NEU3: variants seen among roughly 807,000 people sequenced by gnomAD.
The protein encoded by NEU3 is neuraminidase 3.
In NEU3, 10 loss-of-function variants were observed where a neutral mutation model predicts 11.4. The observed-to-expected ratio is 0.88, with a 90% CI of 0.54 to 1.49. NEU3 has a LOEUF of 1.49. Among genes scored for constraint, NEU3 ranks in the 40% most tolerant of loss-of-function variants. The pLI, the probability that NEU3 is intolerant of heterozygous loss-of-function variation, is 0.00. For synonymous variants in NEU3, 212 were observed against 228.2 expected (o/e 0.93, Z 0.64); for missense variants, 529 against 581.8 (o/e 0.91, Z 0.93).
chr11:74,987,625 A>G (rs1192960211), upstream of NEU3, among the ~76,000 whole-genome samples: 2 of 152,040 alleles, frequency 1.3e-5, no homozygotes, highest in Non-Finnish European at 2.9e-5. Flanking sequence ...CATCCTGGCT[A>G]ACATGGTGAA....
chr11:74,988,965 C>G lies in NEU3; in HGVS notation c.-96C>G. On this transcript the variant is annotated 5_prime_UTR_variant, in exon 1 of 3. Coordinates refer to ENST00000294064, the MANE Select transcript of NEU3 (RefSeq NM_006656.6). ...ACGCTCTTCGCTTCTCGGGGCTTGT[C>G]TCCGTGTCCTCCGTCTCAGTTGTTT... The G allele has an allele frequency of 2.2e-6, 2 of 928,576 alleles. No homozygotes were observed. Among genetic ancestry groups the G allele is most frequent in the Non-Finnish European group, 3.3e-6 (2 of 606,538 alleles). 57.5% of individuals were successfully genotyped at this position (928,576 alleles called of 1,614,324 possible).
At position 75,005,404 on chromosome 11, in the gene NEU3, C is replaced by T; in HGVS notation, c.307-9C>T. 3 of 1,587,408 alleles carry T rather than the reference C, an allele frequency of 1.9e-6. No individual in the cohort carries two copies. The highest frequency in any genetic ancestry group is 2.2e-5 in the East Asian group (1 of 44,456). ...TCTCACTCCTACTTTCTCCCTTCTC[C>T]TTGTCTAGTGGGGGCCCCTGAAGCC... On this transcript the variant is annotated splice_polypyrimidine_tract_variant and intron_variant, in intron 2 of 2. Transcript: ENST00000294064.
chr11:74,981,044 G>A, the NEU3 span, among the ~76,000 whole-genome samples: 1 of 152,216 alleles, frequency 6.6e-6, no homozygotes. Context: ...GGTACATAAT[G>A]CTTGTTAAGG....
rs1948912810 is a variant in NEU3 at position 75,007,722 on chromosome 11, C to T, written c.*1230C>T. On this transcript the variant is annotated 3_prime_UTR_variant, in exon 3 of 3. Coordinates refer to ENST00000294064, the MANE Select transcript of NEU3 (RefSeq NM_006656.6). ...AATGGTTTTCGTGCTGAACTTAGTTCATGCTGAGTCTCTCAGATGATACCA... is the reference window on the plus strand; with the variant it reads ...AATGGTTTTCGTGCTGAACTTAGTTTATGCTGAGTCTCTCAGATGATACCA... The T allele has an allele frequency of 6.6e-6, 1 of 152,152 alleles. No homozygotes were observed. Among genetic ancestry groups the T allele is most frequent in the African/African-American group, 2.4e-5 (1 of 41,432 alleles). The allele number at this position is 152,152 out of a possible 1,614,324, so 9.4% of individuals were successfully genotyped here. A position where few individuals can be genotyped will look rare whatever the true frequency, so the allele number is the denominator to read the frequency against.
upstream of NEU3, among the ~76,000 whole-genome samples, chr11:74,984,977 A>G (rs1948656954): frequency 6.6e-6 from 1 of 152,220 alleles, no homozygotes; most frequent in Non-Finnish European, 1.5e-5. Context: ...TCACTCAGCT[A>G]GGAAGTGGGA....
At position 75,006,443 on chromosome 11, in the gene NEU3, G is replaced by C; in HGVS notation, c.1337G>C (p.Gly446Ala). ...THREILSHLQ[G>A]DCTSPGRNPS... ...CGGGAGATCCTGAGTCACCTGCAGGGGGACTGCACCAGCCCTGGTAGGAAC... is the reference window on the plus strand; with the variant it reads ...CGGGAGATCCTGAGTCACCTGCAGGCGGACTGCACCAGCCCTGGTAGGAAC... Residue 446 changes from glycine to alanine, a missense_variant, in exon 3 of 3, where the codon GGG becomes GCG. Physicochemically the swap from Gly to Ala is moderately conservative, Grantham distance 60 (BLOSUM62 0). Transcript: ENST00000294064. 1 of 1,613,842 alleles carries C rather than the reference G, an allele frequency of 6.2e-7. No homozygotes were observed.
downstream of NEU3, among the ~76,000 whole-genome samples, chr11:75,013,471 G>A (rs1427825140): frequency 1.3e-5 from 2 of 152,190 alleles, no homozygotes; most frequent in African/African-American, 2.4e-5. Flanking sequence ...CAAGGTGGAC[G>A]ACCGTCATGC....
intron 2 of NEU3, among the ~76,000 whole-genome samples, chr11:74,995,586 A>T (rs1948781988): frequency 1.3e-5 from 2 of 152,348 alleles, no homozygotes; most frequent in Admixed American, 1.3e-4. Flanking sequence ...CAGTGCATAT[A>T]AAAGTTATGT....
intron 1 of NEU3, among the ~76,000 whole-genome samples, chr11:74,989,486 A>G (rs1055215659): frequency 6.6e-6 from 1 of 152,128 alleles, no homozygotes; most frequent in Non-Finnish European, 1.5e-5. Context: ...TCCAGATTTT[A>G]CTGTGGAGTG....
At chr11:74,998,222 T>C (rs768295598) in intron 2 of NEU3, among the ~76,000 whole-genome samples, 10 of 152,170 alleles carry the variant, frequency 6.6e-5, no homozygotes, top group Non-Finnish European at 1.3e-4. Context: ...AGTAATAACA[T>C]CAAAGATCAC....
chr11:74,992,291 A>G lies in NEU3; in HGVS notation c.95-2218A>G, dbSNP rs535796511. Among the ~76,000 whole-genome samples, 12 of 152,296 alleles carry G rather than the reference A, an allele frequency of 7.9e-5. No homozygotes were observed. The South Asian group carries it at 2.3e-3, about 29-fold the overall frequency. On this transcript the variant is annotated intron_variant, in intron 1 of 2. Transcript: ENST00000294064. Reference sequence around the variant, plus strand: ...TTACCTCTAAAGTAGCACTTATTACATCATGTTATAATTGTCCATGTATAT... The same window carrying G: ...TTACCTCTAAAGTAGCACTTATTACGTCATGTTATAATTGTCCATGTATAT...
chr11:74,992,472 A>T (rs1264421213), intron 1 of NEU3, among the ~76,000 whole-genome samples: 1 of 152,200 alleles, frequency 6.6e-6, no homozygotes, highest in East Asian at 1.9e-4. Flanking sequence ...TTTACAAATG[A>T]TTTGTAAAAT....
At chr11:74,994,787 G>T (rs1468539757) in intron 2 of NEU3, 67 bp downstream of exon 2, 1 of 1,426,028 alleles carries the variant, frequency 7.0e-7, no homozygotes, top group Non-Finnish European at 9.9e-7. Context: ...AGCTCTTCAG[G>T]ATCTGTGCCT....
Position 74,994,594 on chromosome 11 carries a change from A to G in NEU3, c.180A>G (p.Pro60=). The G allele has an allele frequency of 6.2e-7, 1 of 1,613,974 alleles. No individual in the cohort carries two copies. The highest frequency in any genetic ancestry group is 1.1e-5 in the South Asian group (1 of 91,086). ...EDDRGITYRI[P]ALLYIPPTHT... ...ACAGAGGGATTACCTACCGGATCCC[A>G]GCCCTGCTCTACATACCCCCCACCC... The change falls in exon 2 of 3, where the codon CCA becomes CCG. Residue 60 remains proline, a synonymous_variant. Transcript: ENST00000294064.
At position 75,005,680 on chromosome 11, in the gene NEU3, T is replaced by C; in HGVS notation, c.574T>C (p.Phe192Leu). 1 of 1,613,964 alleles carries C rather than the reference T, an allele frequency of 6.2e-7. No homozygotes were observed. The highest frequency in any genetic ancestry group is 8.5e-7 in the Non-Finnish European group (1 of 1,179,878). ...CTCAGAGCTGAAGCACTGGGCCACA[T>C]TTGCTGTGGGCCCAGGTCATGGCAT... ...IGSELKHWAT[F>L]AVGPGHGIQL... The change falls in exon 3 of 3, where the codon TTT (phenylalanine) becomes CTT (leucine). Residue 192 changes from phenylalanine to leucine, a missense_variant. Coordinates refer to ENST00000294064, the MANE Select transcript of NEU3 (RefSeq NM_006656.6).
intron 1 of NEU3, among the ~76,000 whole-genome samples, chr11:74,993,192 C>T (rs565653056): frequency 1.3e-5 from 2 of 151,792 alleles, no homozygotes; most frequent in African/African-American, 4.8e-5. Flanking sequence ...TTTTTGTTGT[C>T]GTTGTTGGTG....
downstream of NEU3, among the ~76,000 whole-genome samples, chr11:75,014,751 G>A (rs1444748545): frequency 6.6e-6 from 1 of 152,008 alleles, no homozygotes; most frequent in Non-Finnish European, 1.5e-5. Context: ...TGTAGTCCCA[G>A]CTACTCGAGA....
chr11:74,999,015 A>C (rs1425666748), intron 2 of NEU3, among the ~76,000 whole-genome samples: 1 of 152,110 alleles, frequency 6.6e-6, no homozygotes, highest in African/African-American at 2.4e-5. Flanking sequence ...GACAACTTCT[A>C]TGTTGCCTAG....
At chr11:75,019,267 G>T (rs1004418164), downstream of NEU3, among the ~76,000 whole-genome samples, 1 of 152,274 alleles carries the variant, frequency 6.6e-6, no homozygotes. Context: ...GGAGCCGGAT[G>T]TTGATCCCCA....
Sources: gnomAD v4.1 joint callset for allele counts (sites outside exome capture counted in the v4.1 genomes callset) on GRCh38, gnomAD v4.1.1 for gene constraint, MANE v1.5 for transcripts, NCBI Gene and HGNC (gene_info 2026-07-23, HGNC 2026-07-21) for gene names.